The following ATP2C2 variants were observed in gnomAD, a reference collection of about 807,000 sequenced individuals.
ATP2C2 encodes the protein ATPase secretory pathway Ca2+ transporting 2.
Under a neutral mutation model 110.8 loss-of-function variants are expected in ATP2C2, and 171 were observed. The ratio of observed to expected loss-of-function variants is 1.54; its 90% CI spans 1.36 to 1.75. The LOEUF (loss-of-function observed/expected upper bound fraction) is 1.75, where lower values mean the gene tolerates loss of function less well. Ranked by LOEUF, ATP2C2 falls within the 40% of genes most tolerant of loss-of-function variation. The probability of loss-of-function intolerance (pLI) is 0.00; values close to 1 mark genes in which losing one functional copy is unlikely to be tolerated. For missense variants in ATP2C2, 1,963 were observed against 1,235.0 expected (o/e 1.59, Z -8.84); for synonymous variants, 804 against 508.4 (o/e 1.58, Z -7.82).
chr16:84,447,692 T>TATATATTATGTAATATATATTAC (rs1909875618), intron 16 of ATP2C2, among the ~76,000 whole-genome samples: 1 of 144,998 alleles, frequency 6.9e-6, no homozygotes, highest in African/African-American at 2.5e-5. Flanking sequence ...TATTATTTAA[T>TATATATTATGTAATATATATTAC]ATATATTATG....
In ATP2C2 at chr16:84,462,126, C is replaced by A. The variant is rs745964883; in HGVS notation, c.2719C>A (p.Leu907Ile). The A allele has an allele frequency of 3.7e-6, 6 of 1,612,874 alleles. No individual in the cohort carries two copies. The East Asian group carries it at 1.1e-4, about 30-fold the overall frequency. The change falls in exon 26 of 27, where the codon CTT becomes ATT. Residue 907 changes from leucine to isoleucine, a missense_variant. Leu to Ile is a conservative substitution (Grantham distance 5). Transcript: ENST00000262429. ...CTTCCAGACGGAGAACCTGGGAGCG[C>A]TTGGTGAGTGGTGGGGACGGGAACG... ...RVFQTENLGA[L>I]DLLFLTGLAS...
intron 23 of ATP2C2, chr16:84,459,640 C>T: frequency 6.8e-7 from 1 of 1,465,790 alleles, no homozygotes. Context: ...TCTCTCTGGG[C>T]AACCTGCATG....
At chr16:84,400,272 G>A (rs1905234348) in intron 2 of ATP2C2, among the ~76,000 whole-genome samples, 1 of 151,110 alleles carries the variant, frequency 6.6e-6, no homozygotes. Flanking sequence ...CTTTCTTTTG[G>A]TTATGTATCT....
chr16:84,412,400 G>A (rs1457570335), intron 6 of ATP2C2, among the ~76,000 whole-genome samples: 1 of 138,862 alleles, frequency 7.2e-6, no homozygotes, highest in East Asian at 2.0e-4. Context: ...GTCTGTGTGT[G>A]TCTGTGCATG....
chr16:84,411,360 T>C (rs1906270270), intron 6 of ATP2C2, among the ~76,000 whole-genome samples: 1 of 152,236 alleles, frequency 6.6e-6, no homozygotes, highest in African/African-American at 2.4e-5. Flanking sequence ...CCCTTTCTGC[T>C]TAGCGTAGCC....
intron 1 of ATP2C2, among the ~76,000 whole-genome samples, chr16:84,394,212 T>C (rs1904837380): frequency 6.6e-6 from 1 of 151,964 alleles, no homozygotes; most frequent in Admixed American, 6.6e-5. Flanking sequence ...TCTTATTTTA[T>C]TGAGGTGAAA....
intron 3 of ATP2C2, chr16:84,406,555 C>G (rs1416877916): frequency 4.1e-6 from 4 of 979,914 alleles, no homozygotes; most frequent in African/African-American, 3.5e-5. Flanking sequence ...TCTGTCTCCA[C>G]TCTCCTTGAG....
intron 11 of ATP2C2, among the ~76,000 whole-genome samples, chr16:84,438,636 A>G (rs1215036938): frequency 5.3e-5 from 8 of 152,104 alleles, no homozygotes; most frequent in African/African-American, 1.7e-4. Flanking sequence ...ACACCCCGAA[A>G]CAGATCCACG....
chr16:84,433,697 CA>C (rs1161358148), intron 11 of ATP2C2, among the ~76,000 whole-genome samples: 1 of 151,968 alleles, frequency 6.6e-6, no homozygotes, highest in Non-Finnish European at 1.5e-5. Context: ...CACACACACA[CA>C]CACACACCCT....
intron 6 of ATP2C2, among the ~76,000 whole-genome samples, chr16:84,412,393 T>A (rs939358298): frequency 7.0e-6 from 1 of 143,372 alleles, no homozygotes; most frequent in Non-Finnish European, 1.5e-5. Flanking sequence ...TATATGTGTC[T>A]GTGTGTGTCT....
chr16:84,445,954 G>A (rs1909708940), intron 15 of ATP2C2, among the ~76,000 whole-genome samples: 1 of 152,112 alleles, frequency 6.6e-6, no homozygotes, highest in Non-Finnish European at 1.5e-5. Flanking sequence ...CTGTGGACGG[G>A]GGGCTGGCAA....
intron 1 of ATP2C2, among the ~76,000 whole-genome samples, chr16:84,369,569 G>A (rs1421640480): frequency 1.3e-5 from 2 of 151,798 alleles, no homozygotes; most frequent in African/African-American, 4.8e-5. Context: ...GAGTCCCCTG[G>A]GTTGCTAATT....
In ATP2C2 at chr16:84,441,051, G is replaced by T. The variant is rs1027945914; in HGVS notation, c.1311+93G>T. On this transcript the variant is annotated intron_variant, in intron 14 of 26. Coordinates refer to ENST00000262429, the MANE Select transcript of ATP2C2 (RefSeq NM_014861.4). ...AAGGGAAACAGCCATTGAACCTACTGGTTCTTGACAATGACTGGCCCATCC... is the reference window on the plus strand; with the variant it reads ...AAGGGAAACAGCCATTGAACCTACTTGTTCTTGACAATGACTGGCCCATCC... The T allele has an allele frequency of 1.5e-5, 17 of 1,116,256 alleles. No individual in the cohort carries two copies. In the African/African-American group the frequency reaches 2.1e-4, roughly 14 times the overall value. 69.1% of individuals were successfully genotyped at this position (1,116,256 alleles called of 1,614,324 possible). A position where few individuals can be genotyped will look rare whatever the true frequency, so the allele number is the denominator to read the frequency against.
intron 6 of ATP2C2, among the ~76,000 whole-genome samples, chr16:84,414,983 G>A (rs1906706290): frequency 6.6e-6 from 1 of 152,112 alleles, no homozygotes; most frequent in Non-Finnish European, 1.5e-5. Flanking sequence ...GCGGTGGTGT[G>A]GGGGATTCCA....
At chr16:84,383,925 G>C (rs1409129308) in intron 1 of ATP2C2, among the ~76,000 whole-genome samples, 1 of 151,850 alleles carries the variant, frequency 6.6e-6, no homozygotes, top group Non-Finnish European at 1.5e-5. Context: ...CAGTAGCTGG[G>C]ACTACAGGCA....
chr16:84,451,806 C>T, intron 17 of ATP2C2, 115 bp from the exon 18 acceptor site: 1 of 1,115,922 alleles, frequency 9.0e-7, no homozygotes, highest in Non-Finnish European at 1.3e-6. Flanking sequence ...CCACTGCACT[C>T]CAACCTGGGC....
chr16:84,381,929 C>T (rs1910602037), intron 1 of ATP2C2, among the ~76,000 whole-genome samples: 1 of 152,204 alleles, frequency 6.6e-6, no homozygotes, highest in African/African-American at 2.4e-5. Flanking sequence ...CCAGGGCGGC[C>T]TGAATTCTAA....
intron 6 of ATP2C2, among the ~76,000 whole-genome samples, chr16:84,412,545 TGC>T (rs1362723274): frequency 3.0e-4 from 14 of 46,770 alleles, no homozygotes; most frequent in East Asian, 7.7e-4. Context: ...TGTGTGTGTA[TGC>T]GTGTGTGTGT....
intron 3 of ATP2C2, 62 bp from the exon 4 acceptor site, chr16:84,408,343 A>T (rs1035884948): frequency 6.6e-7 from 1 of 1,508,844 alleles, no homozygotes; most frequent in African/African-American, 1.4e-5. Context: ...TCTGCACAGT[A>T]AGAAACCCAT....
Sources: gnomAD v4.1 joint callset for allele counts (sites outside exome capture counted in the v4.1 genomes callset) on GRCh38, gnomAD v4.1.1 for gene constraint, MANE v1.5 for transcripts, NCBI Gene and HGNC (gene_info 2026-07-23, HGNC 2026-07-21) for gene names.